Variants in SH3RF3 observed in about 807,000 individuals in gnomAD.
SH3RF3 encodes the protein SH3 domain containing ring finger 3.
SH3RF3 carries 29 observed loss-of-function variants against 66.3 expected under a neutral mutation model. That is an observed-to-expected ratio of 0.44 (90% CI 0.33 to 0.60). The LOEUF (loss-of-function observed/expected upper bound fraction) is 0.60, where lower values mean the gene tolerates loss of function less well. Among genes scored for constraint, SH3RF3 ranks in the 20% least tolerant of loss-of-function variants. The pLI, the probability that SH3RF3 is intolerant of heterozygous loss-of-function variation, is 0.04. For missense variants in SH3RF3, 1,194 were observed against 1,190.9 expected (o/e 1.00, Z -0.04); for synonymous variants, 583 against 532.0 (o/e 1.10, Z -1.32).
intron 1 of SH3RF3, among the ~76,000 whole-genome samples, chr2:109,337,793 T>C (rs1430903966): frequency 1.3e-5 from 2 of 152,092 alleles, no homozygotes; most frequent in Non-Finnish European, 2.9e-5. Flanking sequence ...AGTGGCATAA[T>C]CATAGCTCAG....
chr2:109,405,789 T>A (rs1676438567), intron 4 of SH3RF3, among the ~76,000 whole-genome samples: 1 of 152,202 alleles, frequency 6.6e-6, no homozygotes, highest in African/African-American at 2.4e-5. Flanking sequence ...ATATTATTTG[T>A]GTGTATGGCC....
chr2:109,247,008 G>T lies in SH3RF3; in HGVS notation c.574-100666G>T, dbSNP rs193255674. Among the ~76,000 whole-genome samples, 165 of 152,280 alleles carry T rather than the reference G, an allele frequency of 1.1e-3. 1 individual carries two copies. Among genetic ancestry groups the T allele is most frequent in the African/African-American group, 3.8e-3 (156 of 41,564 alleles). The stretch of plus-strand genomic sequence containing the variant: ...ATGCTGGTTAGTCTCTTTCTGGTCG[G>T]ACCCTCACTTTTTGAGATGATGTGA... On this transcript the variant is annotated intron_variant, in intron 1 of 9. Coordinates refer to ENST00000309415, the MANE Select transcript of SH3RF3 (RefSeq NM_001099289.3).
At chr2:109,199,637 T>TTAACCC in intron 1 of SH3RF3, among the ~76,000 whole-genome samples, 1 of 50 alleles carries the variant, frequency 0.02, no homozygotes. Flanking sequence ...TGGAATGGAA[T>TTAACCC]GGAATGGAAT....
intron 4 of SH3RF3, among the ~76,000 whole-genome samples, chr2:109,412,361 G>T (rs1360863948): frequency 6.6e-6 from 1 of 152,272 alleles, no homozygotes; most frequent in Non-Finnish European, 1.5e-5. Flanking sequence ...CACCCTCCCA[G>T]TGTGGCCCCA....
intron 5 of SH3RF3, among the ~76,000 whole-genome samples, chr2:109,430,763 C>G (rs368134124): frequency 6.6e-6 from 1 of 152,130 alleles, no homozygotes; most frequent in African/African-American, 2.4e-5. Flanking sequence ...GGTGGGGTGG[C>G]GGGGTCCTCT....
At chr2:109,318,668 A>G (rs928694452) in intron 1 of SH3RF3, among the ~76,000 whole-genome samples, 1 of 152,128 alleles carries the variant, frequency 6.6e-6, no homozygotes, top group Non-Finnish European at 1.5e-5. Context: ...AGTCCTAGGG[A>G]AGCCAGAATG....
At chr2:109,150,517 TC>T (rs1304790084) in intron 1 of SH3RF3, among the ~76,000 whole-genome samples, 1 of 152,220 alleles carries the variant, frequency 6.6e-6, no homozygotes, top group East Asian at 1.9e-4. Flanking sequence ...ATTCACTTAG[TC>T]TGTTTAACCA....
At position 109,436,959 on chromosome 2, in the gene SH3RF3, G is replaced by T; in HGVS notation, c.1641G>T (p.Gly547=). Residue 547 remains glycine, a synonymous_variant, in exon 7 of 10, where the codon GGG becomes GGT. Transcript: ENST00000309415. The part of the protein sequence containing the change: ...NVVGGSPLAK[G]ITTTMHPGSG... ...TCGGAGGGTCTCCACTGGCCAAAGG[G>T]ATAACCACAACCATGCACCCAGGCA... The T allele has an allele frequency of 6.2e-7, 1 of 1,613,858 alleles. No individual in the cohort carries two copies. The highest frequency in any genetic ancestry group is 8.5e-7 in the Non-Finnish European group (1 of 1,179,906).
chr2:109,129,256 G>C lies in SH3RF3; in HGVS notation c.-285G>C. 1.7e-6 allele frequency: 1 copy of C among 588,110 alleles called. No homozygotes were observed. Among genetic ancestry groups the C allele is most frequent in the South Asian group, 1.7e-5 (1 of 57,212 alleles). 36.4% of individuals were successfully genotyped at this position (588,110 alleles called of 1,614,324 possible). A position where few individuals can be genotyped will look rare whatever the true frequency, so the allele number is the denominator to read the frequency against. ...GCAGCACCCCCGGTCCCCCGCGCGG[G>C]GCGGACTTGCGGCGGGACAGGTGTA... On this transcript the variant is annotated 5_prime_UTR_variant, in exon 1 of 10. Transcript: ENST00000309415.
intron 1 of SH3RF3, among the ~76,000 whole-genome samples, chr2:109,267,693 C>T (rs1680530642): frequency 1.3e-5 from 2 of 152,224 alleles, no homozygotes; most frequent in Admixed American, 6.5e-5. Flanking sequence ...CCCGTGATCC[C>T]CTTTCCCTTC....
intron 2 of SH3RF3, among the ~76,000 whole-genome samples, chr2:109,349,203 GCA>G (rs1682787889): frequency 1.3e-5 from 2 of 152,152 alleles, no homozygotes; most frequent in Non-Finnish European, 2.9e-5. Flanking sequence ...GGAGAACCAT[GCA>G]CAGTGTTTTT....
chr2:109,273,368 C>G (rs1261012778), intron 1 of SH3RF3, among the ~76,000 whole-genome samples: 1 of 152,180 alleles, frequency 6.6e-6, no homozygotes, highest in Non-Finnish European at 1.5e-5. Flanking sequence ...CTCCATTGAG[C>G]CTTAACGCAT....
intron 9 of SH3RF3, among the ~76,000 whole-genome samples, chr2:109,493,335 C>T (rs1679179579): frequency 7.1e-6 from 1 of 139,928 alleles, no homozygotes; most frequent in African/African-American, 2.6e-5. Context: ...TACAAACACA[C>T]CCCACATACG....
chr2:109,351,691 CT>C (rs1682841778), intron 2 of SH3RF3, among the ~76,000 whole-genome samples: 1 of 152,222 alleles, frequency 6.6e-6, no homozygotes, highest in Admixed American at 6.5e-5. Flanking sequence ...CATGGAATCA[CT>C]TTTGCACATG....
intron 5 of SH3RF3, among the ~76,000 whole-genome samples, chr2:109,427,030 A>G (rs1335922593): frequency 2.6e-5 from 4 of 152,028 alleles, no homozygotes; most frequent in African/African-American, 7.2e-5. Flanking sequence ...GTGCAGTGGC[A>G]TGATCTCAGC....
intron 3 of SH3RF3, among the ~76,000 whole-genome samples, chr2:109,381,073 A>G (rs753033926): frequency 1.3e-5 from 2 of 152,224 alleles, no homozygotes; most frequent in Admixed American, 1.3e-4. Flanking sequence ...CCACGGGTCT[A>G]CCAAGTGGTC....
At chr2:109,269,627 A>G (rs1374591538) in intron 1 of SH3RF3, among the ~76,000 whole-genome samples, 2 of 152,168 alleles carry the variant, frequency 1.3e-5, no homozygotes, top group Non-Finnish European at 2.9e-5. Context: ...CTAAAAATAA[A>G]AAAAATAGCC....
intron 3 of SH3RF3, 144 bp downstream of exon 3, chr2:109,371,825 G>A (rs138390093): frequency 9.6e-6 from 7 of 725,838 alleles, no homozygotes; most frequent in African/African-American, 8.8e-5. Flanking sequence ...GCTGCTATGT[G>A]TGGGCTTTGA....
At chr2:109,325,619 C>T (rs1455845970) in intron 1 of SH3RF3, among the ~76,000 whole-genome samples, 1 of 152,154 alleles carries the variant, frequency 6.6e-6, no homozygotes, top group South Asian at 2.1e-4. Flanking sequence ...AGAACTCACT[C>T]ACCACTTCCC....
Sources: gnomAD v4.1 joint callset for allele counts (sites outside exome capture counted in the v4.1 genomes callset) on GRCh38, gnomAD v4.1.1 for gene constraint, MANE v1.5 for transcripts, NCBI Gene and HGNC (gene_info 2026-07-23, HGNC 2026-07-21) for gene names.